Variants in PCDHGB6 observed in about 807,000 individuals in gnomAD.
The protein encoded by PCDHGB6 is protocadherin gamma subfamily B, 6.
PCDHGB6 carries 51 observed loss-of-function variants against 59.1 expected under a neutral mutation model. That is an observed-to-expected ratio of 0.86 (90% CI 0.69 to 1.09). The LOEUF is 1.09. PCDHGB6 is among the 50% of genes least tolerant of loss of function. PCDHGB6 has a pLI of 0.00. For synonymous variants in PCDHGB6, 466 were observed against 495.1 expected (o/e 0.94, Z 0.78); for missense variants, 1,148 against 1,205.1 (o/e 0.95, Z 0.70).
At chr5:141,412,300 A>T (rs1422841541) in intron 1 of PCDHGB6, 2 of 152,248 alleles carry the variant, frequency 1.3e-5, no homozygotes, top group Non-Finnish European at 2.9e-5. Context: ...TTCTTTTCTC[A>T]TTACAATGCA....
At position 141,409,757 on chromosome 5, in the gene PCDHGB6, G is replaced by A; in HGVS notation, c.1555G>A (p.Ala519Thr). The A allele has an allele frequency of 6.8e-6, 11 of 1,612,986 alleles. No individual in the cohort carries two copies. The highest frequency in any genetic ancestry group is 9.3e-6 in the Non-Finnish European group (11 of 1,179,838). ...AQSGVVFAQR[A>T]FDHEQLRAFA... ...GAGCGGGGTGGTGTTCGCGCAGCGCGCCTTTGATCACGAGCAGCTGCGCGC... is the reference window on the plus strand; with the variant it reads ...GAGCGGGGTGGTGTTCGCGCAGCGCACCTTTGATCACGAGCAGCTGCGCGC... Residue 519 changes from alanine (A) to threonine (T), a missense_variant, in exon 1 of 4, where the codon GCC becomes ACC. By Grantham distance (58) the Ala-to-Thr change is moderately conservative. This residue lies in a region of PCDHGB6 where 549 missense variants were observed against 527.5 expected (regional missense o/e 1.04). Coordinates refer to ENST00000520790, the MANE Select transcript of PCDHGB6 (RefSeq NM_018926.3).
Position 141,486,484 on chromosome 5 carries a change from C to A in PCDHGB6, c.2419-8323C>A. On this transcript the variant is annotated intron_variant, in intron 1 of 3. Transcript: ENST00000520790. This position sits in a 1 kb window ranked among gnomAD's most constrained non-coding sequence, Gnocchi z 5.0. ...ATGCTGGGAACCCTCCTCTCAGTAC[C>A]CACAGAACTATTTTCCTCAATATTT... is the stretch of plus-strand genomic sequence containing the variant. 5 of 1,614,102 alleles carry A rather than the reference C, an allele frequency of 3.1e-6. No homozygotes were observed. Among genetic ancestry groups the A allele is most frequent in the Non-Finnish European group, 4.2e-6 (5 of 1,179,930 alleles).
chr5:141,501,970 T>C (rs2099812082), intron 2 of PCDHGB6, among the ~76,000 whole-genome samples: 1 of 152,068 alleles, frequency 6.6e-6, no homozygotes. Flanking sequence ...TCCTAACCTC[T>C]GGCATCTGGT....
Position 141,431,883 on chromosome 5 carries a change from A to T in PCDHGB6, c.2418+21263A>T, listed in dbSNP as rs748968989. 6.8e-6 allele frequency: 11 copies of T among 1,614,118 alleles called. No individual in the cohort carries two copies. The highest frequency in any genetic ancestry group is 1.1e-5 in the South Asian group (1 of 91,084). On this transcript the variant is annotated intron_variant, in intron 1 of 3. Transcript: ENST00000520790. The surrounding 1 kb of genome is among the most constrained non-coding windows in gnomAD (Gnocchi z 4.8). ...GCCCTTTTAAATGTAAATGACCAAG[A>T]TTCTGAGGAAAACGGACAGGTGATC...
Position 141,511,350 on chromosome 5 carries a change from C to T in PCDHGB6, c.*177C>T, listed in dbSNP as rs1303365585. Reference sequence around the variant, plus strand: ...CCCAGTCAGCACCTACCCCTTCCCCCCCAGGGGGTTGAATATGCAAAAGCA... The same window carrying T: ...CCCAGTCAGCACCTACCCCTTCCCCTCCAGGGGGTTGAATATGCAAAAGCA... On this transcript the variant is annotated 3_prime_UTR_variant, in exon 4 of 4. Transcript: ENST00000520790. The T allele has an allele frequency of 6.4e-6, 9 of 1,397,076 alleles. No homozygotes were observed. Among genetic ancestry groups the T allele is most frequent in the Non-Finnish European group, 8.6e-6 (9 of 1,050,666 alleles). 86.5% of individuals were successfully genotyped at this position (1,397,076 alleles called of 1,614,324 possible).
chr5:141,490,473 T>C lies in PCDHGB6; in HGVS notation c.2419-4334T>C. 6.2e-7 allele frequency: 1 copy of C among 1,614,228 alleles called. No homozygotes were observed. Among genetic ancestry groups the C allele is most frequent in the East Asian group, 2.2e-5 (1 of 44,878 alleles). On this transcript the variant is annotated intron_variant, in intron 1 of 3. Transcript: ENST00000520790. This position sits in a 1 kb window ranked among gnomAD's most constrained non-coding sequence, Gnocchi z 5.4. ...ACTACTCGCTGCTAACCAGCCAGCC[T>C]TTGGACCGGGAGGCCACATCCCACT...
intron 1 of PCDHGB6, chr5:141,479,209 A>T (rs1314929824): frequency 6.6e-6 from 1 of 152,432 alleles, no homozygotes; most frequent in African/African-American, 2.4e-5. Context: ...AAAAGTATTT[A>T]AAAAATTAAA....
At chr5:141,481,722 G>A (rs546676646) in intron 1 of PCDHGB6, among the ~76,000 whole-genome samples, 1 of 152,214 alleles carries the variant, frequency 6.6e-6, no homozygotes, top group African/African-American at 2.4e-5. Flanking sequence ...GGGAGGCGGA[G>A]GCGGGCGGAT....
At chr5:141,415,024 G>T in intron 1 of PCDHGB6, 1 of 1,613,568 alleles carries the variant, frequency 6.2e-7, no homozygotes, top group Non-Finnish European at 8.5e-7. Flanking sequence ...CAAGGCCAGC[G>T]AGCCGGGACT....
chr5:141,432,449 T>C lies in PCDHGB6; in HGVS notation c.2418+21829T>C. 5.6e-6 allele frequency: 9 copies of C among 1,614,220 alleles called. No individual in the cohort carries two copies. The highest frequency in any genetic ancestry group is 7.6e-6 in the Non-Finnish European group (9 of 1,180,038). On this transcript the variant is annotated intron_variant, in intron 1 of 3. Coordinates refer to ENST00000520790, the MANE Select transcript of PCDHGB6 (RefSeq NM_018926.3). The surrounding 1 kb of genome is among the most constrained non-coding windows in gnomAD (Gnocchi z 6.0). The stretch of plus-strand genomic sequence containing the variant: ...GAACGACAATGCGCCCGAGATCCTG[T>C]ACCCCGCCCTCCCCACGGACGGTTC...
At chr5:141,421,229 T>C (rs776952658) in intron 1 of PCDHGB6, 3 of 1,589,662 alleles carry the variant, frequency 1.9e-6, no homozygotes, top group South Asian at 1.1e-5. Flanking sequence ...GAGCCTGCCA[T>C]GGCGAATCGG....
Position 141,431,067 on chromosome 5 carries a change from A to G in PCDHGB6, c.2418+20447A>G. The G allele has an allele frequency of 1.2e-6, 2 of 1,614,164 alleles. No homozygotes were observed. Among genetic ancestry groups the G allele is most frequent in the Non-Finnish European group, 1.7e-6 (2 of 1,179,976 alleles). Reference sequence around the variant, plus strand: ...CTCTGTATGGGGGCCATCAAGTGTCAATTAAATCTAGACATTCTGATGGAG... The same window carrying G: ...CTCTGTATGGGGGCCATCAAGTGTCGATTAAATCTAGACATTCTGATGGAG... On this transcript the variant is annotated intron_variant, in intron 1 of 3. Transcript: ENST00000520790. This position sits in a 1 kb window ranked among gnomAD's most constrained non-coding sequence, Gnocchi z 4.8.
intron 1 of PCDHGB6, among the ~76,000 whole-genome samples, chr5:141,446,714 G>T (rs193229261): frequency 2.6e-5 from 4 of 152,044 alleles, no homozygotes; most frequent in African/African-American, 9.7e-5. Flanking sequence ...TGATCTGCCC[G>T]CCTCGGCCTC....
In PCDHGB6 at chr5:141,422,749, A is replaced by G. The variant is rs202046219; in HGVS notation, c.2418+12129A>G. Reference sequence around the variant, plus strand: ...GGTGCCTCTGTCCTCCTATGTCTCTATTAACTCCAACACTGGTGTTCTCTA... The same window carrying G: ...GGTGCCTCTGTCCTCCTATGTCTCTGTTAACTCCAACACTGGTGTTCTCTA... On this transcript the variant is annotated intron_variant, in intron 1 of 3. Coordinates refer to ENST00000520790, the MANE Select transcript of PCDHGB6 (RefSeq NM_018926.3). 269 of 1,611,644 alleles carry G rather than the reference A, an allele frequency of 1.7e-4. 1 individual carries two copies. The African/African-American group carries it at 3.3e-3, about 20-fold the overall frequency.
chr5:141,433,307 C>A, intron 1 of PCDHGB6: 1 of 913,756 alleles, frequency 1.1e-6, no homozygotes, highest in Non-Finnish European at 1.6e-6. Flanking sequence ...AATTATCCCA[C>A]CTTTGCCTCC....
chr5:141,489,314 G>T lies in PCDHGB6; in HGVS notation c.2419-5493G>T. ...TGCATGTTGTCCTTGTGCTGCTGGG[G>T]CTGGGTGTCTGGGCAGCTTCGTTAC... On this transcript the variant is annotated intron_variant, in intron 1 of 3. Transcript: ENST00000520790. This position sits in a 1 kb window ranked among gnomAD's most constrained non-coding sequence, Gnocchi z 4.5. 6.3e-7 allele frequency: 1 copy of T among 1,596,908 alleles called. No individual in the cohort carries two copies. The highest frequency in any genetic ancestry group is 8.5e-7 in the Non-Finnish European group (1 of 1,170,694).
chr5:141,477,312 T>G lies in PCDHGB6; in HGVS notation c.2419-17495T>G. On this transcript the variant is annotated intron_variant, in intron 1 of 3. Coordinates refer to ENST00000520790, the MANE Select transcript of PCDHGB6 (RefSeq NM_018926.3). This position sits in a 1 kb window ranked among gnomAD's most constrained non-coding sequence, Gnocchi z 4.9. ...GTTCCACCGGGTCTCCCTTTCAGCC[T>G]TACTTCTTCCCTCAAGAATTACTTC... The G allele has an allele frequency of 1.2e-6, 2 of 1,614,162 alleles. No individual in the cohort carries two copies. The highest frequency in any genetic ancestry group is 1.7e-6 in the Non-Finnish European group (2 of 1,180,032).
At chr5:141,461,501 T>A (rs113852528) in intron 1 of PCDHGB6, among the ~76,000 whole-genome samples, 4 of 152,310 alleles carry the variant, frequency 2.6e-5, no homozygotes, top group South Asian at 2.1e-4. Context: ...TTATTTTTCT[T>A]GGTGATTTGT....
intron 3 of PCDHGB6, among the ~76,000 whole-genome samples, chr5:141,509,064 C>T (rs890846779): frequency 6.6e-6 from 1 of 152,184 alleles, no homozygotes; most frequent in African/African-American, 2.4e-5. Flanking sequence ...AAGCTCTCAG[C>T]TCCGGGGATT....
Sources: allele counts gnomAD v4.1 joint callset (sites outside exome capture counted in the v4.1 genomes callset), GRCh38; gene constraint gnomAD v4.1.1; regional missense constraint gnomAD v4.1.1; non-coding constraint Gnocchi (gnomAD v3.1); transcripts MANE v1.5; gene names NCBI Gene and HGNC (gene_info 2026-07-23, HGNC 2026-07-21).